Variants in ECT2L observed in about 807,000 individuals in gnomAD.
The protein encoded by ECT2L is epithelial cell-transforming sequence 2 oncogene-like.
ECT2L carries 126 observed loss-of-function variants against 122.8 expected under a neutral mutation model. That is an observed-to-expected ratio of 1.03 (90% CI 0.89 to 1.19). ECT2L has a LOEUF of 1.19. Among genes scored for constraint, ECT2L ranks in the 50% most tolerant of loss-of-function variants. The pLI is 0.00. For missense variants in ECT2L, 1,012 were observed against 1,064.1 expected (o/e 0.95, Z 0.68); for synonymous variants, 385 against 381.8 (o/e 1.01, Z -0.10).
chr6:138,816,930 C>G (rs1776089222), intron 4 of ECT2L, among the ~76,000 whole-genome samples: 1 of 152,170 alleles, frequency 6.6e-6, no homozygotes, highest in Admixed American at 6.5e-5. Context: ...CAAAGAACCC[C>G]CCTACCCATT....
chr6:138,860,006 G>C (rs1402592462), intron 10 of ECT2L, among the ~76,000 whole-genome samples: 1 of 151,958 alleles, frequency 6.6e-6, no homozygotes, highest in African/African-American at 2.4e-5. Context: ...AATATTTTTA[G>C]TAGAGACAGG....
At chr6:138,857,205 A>G (rs986866656) in intron 10 of ECT2L, among the ~76,000 whole-genome samples, 3 of 152,108 alleles carry the variant, frequency 2.0e-5, no homozygotes, top group Non-Finnish European at 2.9e-5. Flanking sequence ...AAACACCTGT[A>G]GTATCTCCTG....
intron 14 of ECT2L, among the ~76,000 whole-genome samples, chr6:138,878,334 T>C (rs62440948): frequency 1.3e-3 from 189 of 144,876 alleles, no homozygotes; most frequent in East Asian, 2.0e-3. Flanking sequence ...CACACACACA[T>C]ACATATATAC....
intron 13 of ECT2L, among the ~76,000 whole-genome samples, chr6:138,870,747 G>A (rs897530626): frequency 6.6e-6 from 1 of 152,146 alleles, no homozygotes; most frequent in Non-Finnish European, 1.5e-5. Flanking sequence ...GGTGGCTCAC[G>A]CTTGCAATCC....
chr6:138,813,490 C>T, intron 3 of ECT2L, 150 bp downstream of exon 3: 1 of 653,186 alleles, frequency 1.5e-6, no homozygotes, highest in Non-Finnish European at 2.5e-6. Flanking sequence ...TAGCTTTGTC[C>T]CAAAGACAGT....
intron 13 of ECT2L, among the ~76,000 whole-genome samples, chr6:138,875,309 T>C (rs1778401369): frequency 6.6e-6 from 1 of 152,254 alleles, no homozygotes. Context: ...CTGCAGAGGC[T>C]CAGGCTGCCA....
intron 4 of ECT2L, among the ~76,000 whole-genome samples, chr6:138,824,510 T>C (rs1462725031): frequency 6.9e-6 from 1 of 144,380 alleles, no homozygotes; most frequent in Non-Finnish European, 1.5e-5. Flanking sequence ...TGTAAGTAAT[T>C]TTATAAAATC....
rs189633405 is a variant in ECT2L, at chr6:138,895,874, T to C, written c.2415-5074T>C. 3.0e-4 allele frequency among the ~76,000 whole-genome samples: 46 copies of C among 151,742 alleles called. No homozygotes were observed. The East Asian group carries it at 6.6e-3, about 22-fold the overall frequency. On this transcript the variant is annotated intron_variant, in intron 20 of 21. Coordinates refer to ENST00000541398, the MANE Select transcript of ECT2L (RefSeq NM_001077706.3). The stretch of plus-strand genomic sequence containing the variant: ...GGCCACAAATAACAAACAATAACTA[T>C]GACACAAAAAGAACGAGTAAGTGTT...
intron 20 of ECT2L, 95 bp from the exon 21 acceptor site, chr6:138,900,853 C>T: frequency 4.5e-6 from 6 of 1,323,982 alleles, no homozygotes; most frequent in African/African-American, 1.5e-5. Context: ...GGGGTAAAAG[C>T]CTTGACTAGT....
At chr6:138,845,181 A>C (rs1777177817) in intron 7 of ECT2L, among the ~76,000 whole-genome samples, 2 of 152,086 alleles carry the variant, frequency 1.3e-5, no homozygotes, top group South Asian at 4.1e-4. Context: ...ATTCTATCTG[A>C]CATTCATAAC....
chr6:138,887,593 G>C (rs1778871699), intron 19 of ECT2L, among the ~76,000 whole-genome samples: 1 of 152,116 alleles, frequency 6.6e-6, no homozygotes, highest in African/African-American at 2.4e-5. Context: ...GATGGTATCT[G>C]AACAAGCTTT....
chr6:138,892,307 G>C lies in ECT2L; in HGVS notation c.2414+3276G>C, dbSNP rs1779057660. The stretch of plus-strand genomic sequence containing the variant: ...TTCTGGTATTATCTTTTCTTTCTTA[G>C]AGTTTTGGTCTCTCTTCTTACATTA... On this transcript the variant is annotated intron_variant, in intron 20 of 21. Transcript: ENST00000541398. Among the ~76,000 whole-genome samples, 6 of 152,024 alleles carry C rather than the reference G, an allele frequency of 3.9e-5. No homozygotes were observed. The South Asian group carries it at 1.2e-3, about 32-fold the overall frequency.
intron 3 of ECT2L, 107 bp from the exon 4 acceptor site, chr6:138,814,384 C>T: frequency 1.6e-6 from 1 of 637,500 alleles, no homozygotes; most frequent in East Asian, 2.8e-5. Flanking sequence ...GTAATGCACT[C>T]TGCAAATATT....
chr6:138,856,297 C>A (rs983626251), intron 10 of ECT2L, among the ~76,000 whole-genome samples: 1 of 150,032 alleles, frequency 6.7e-6, no homozygotes, highest in Admixed American at 6.7e-5. Flanking sequence ...TCACTGCAAC[C>A]TTCCGCCTCC....
At chr6:138,846,198 A>G (rs1362394121) in intron 7 of ECT2L, among the ~76,000 whole-genome samples, 1 of 152,194 alleles carries the variant, frequency 6.6e-6, no homozygotes, top group Non-Finnish European at 1.5e-5. Flanking sequence ...GAGGCCTAGA[A>G]GGAAATTCAA....
intron 1 of ECT2L, among the ~76,000 whole-genome samples, chr6:138,797,392 GA>G (rs1261640668): frequency 6.6e-6 from 1 of 152,204 alleles, no homozygotes; most frequent in Admixed American, 6.5e-5. Context: ...GTGAATTGCA[GA>G]AGTACGCGCA....
intron 14 of ECT2L, 77 bp from the exon 15 acceptor site, chr6:138,880,880 G>C: frequency 7.7e-7 from 1 of 1,302,940 alleles, no homozygotes; most frequent in Non-Finnish European, 1.1e-6. Context: ...AGCAAGGGGG[G>C]TCTCCGTGTA....
chr6:138,799,969 A>C (rs1308170939), intron 1 of ECT2L, among the ~76,000 whole-genome samples: 1 of 152,202 alleles, frequency 6.6e-6, no homozygotes, highest in Non-Finnish European at 1.5e-5. Flanking sequence ...CAGTCAGTGT[A>C]GACACTCAAA....
At chr6:138,860,364 CTAGT>C (rs1777781805) in intron 10 of ECT2L, among the ~76,000 whole-genome samples, 4 of 151,440 alleles carry the variant, frequency 2.6e-5, no homozygotes, top group African/African-American at 9.7e-5. Context: ...TTACATATGG[CTAGT>C]TGTTTCTTCA....
Sources: allele counts gnomAD v4.1 joint callset (sites outside exome capture counted in the v4.1 genomes callset), GRCh38; gene constraint gnomAD v4.1.1; transcripts MANE v1.5; gene names NCBI Gene and HGNC (gene_info 2026-07-23, HGNC 2026-07-21).